The following EYS variants were observed in gnomAD, a reference collection of about 807,000 sequenced individuals.
EYS encodes EGF-like photoreceptor maintenance factor.
Under a neutral mutation model 282.1 loss-of-function variants are expected in EYS, and 250 were observed. That is an observed-to-expected ratio of 0.89 (90% CI 0.80 to 0.98). EYS has a LOEUF of 0.98. Ranked by LOEUF, EYS falls within the 50% of genes least tolerant of loss-of-function variation. EYS has a pLI of 0.00. For missense variants in EYS, 4,016 were observed against 3,709.0 expected (o/e 1.08, Z -2.15); for synonymous variants, 1,355 against 1,282.9 (o/e 1.06, Z -1.20).
rs1230309512 is a variant in EYS at position 63,806,337 on chromosome 6, C to G, written c.7264G>C (p.Asp2422His). Residue 2422 changes from aspartate (D) to histidine (H), a missense_variant, in exon 37 of 43, where the codon GAT becomes CAT. Coordinates refer to ENST00000503581, the MANE Select transcript of EYS (RefSeq NM_001142800.2). ...NITQPRFSGT[D>H]AFGYTSFLAY... ...AGGAATGAGGTGTATCCAAAGGCAT[C>G]TGTGCCACTGAACCTTGGCTGAGTA... The G allele has an allele frequency of 6.5e-7, 1 of 1,550,202 alleles. No individual in the cohort carries two copies. The highest frequency in any genetic ancestry group is 8.7e-7 in the Non-Finnish European group (1 of 1,145,940).
intron 8 of EYS, among the ~76,000 whole-genome samples, chr6:65,376,615 G>A (rs918749400): frequency 2.0e-5 from 3 of 152,140 alleles, no homozygotes; most frequent in Non-Finnish European, 4.4e-5. Context: ...TTGGTGCACT[G>A]CATTCAGAAG....
intron 13 of EYS, among the ~76,000 whole-genome samples, chr6:65,050,923 T>A (rs1773251371): frequency 6.6e-6 from 1 of 151,682 alleles, no homozygotes. Context: ...CTGAGTTTTG[T>A]TCTTCTTTGT....
At chr6:65,461,115 T>C (rs535278333) in intron 5 of EYS, among the ~76,000 whole-genome samples, 17 of 152,158 alleles carry the variant, frequency 1.1e-4, no homozygotes, top group Admixed American at 7.2e-4. Context: ...ATGCCATATA[T>C]AGTTGTACTT....
At chr6:64,570,736 T>C (rs1024109542) in intron 26 of EYS, among the ~76,000 whole-genome samples, 1 of 152,144 alleles carries the variant, frequency 6.6e-6, no homozygotes, top group African/African-American at 2.4e-5. Context: ...GAGCTAACTA[T>C]GCTAAATATA....
intron 30 of EYS, among the ~76,000 whole-genome samples, chr6:64,295,683 C>G (rs187651751): frequency 6.9e-6 from 1 of 145,742 alleles, no homozygotes; most frequent in Non-Finnish European, 1.5e-5. Flanking sequence ...GAGCTGAGAT[C>G]GCGCCGCTGC....
chr6:65,067,224 G>A (rs1773772876), intron 12 of EYS, among the ~76,000 whole-genome samples: 1 of 152,086 alleles, frequency 6.6e-6, no homozygotes, highest in Non-Finnish European at 1.5e-5. Context: ...AAGTCCTGCA[G>A]CAGGTCATTT....
In EYS at chr6:65,295,918, T is replaced by C. The variant is rs1768649075; in HGVS notation, c.1968A>G (p.Thr656=). The C allele has an allele frequency of 6.4e-7, 1 of 1,551,074 alleles. No individual in the cohort carries two copies. Among genetic ancestry groups the C allele is most frequent in the African/African-American group, 1.4e-5 (1 of 73,130 alleles). Residue 656 remains threonine (T), a synonymous_variant, in exon 12 of 43, where the codon ACA becomes ACG. Transcript: ENST00000503581. ...DCKSASCKNG[T]TSTHLRGYFF... is the part of the protein sequence containing the mutation. ...AATATCCCCTTAAATGTGTACTAGT[T>C]GTTCCATTTTTGCAGGACGCAGATT...
chr6:65,359,308 C>A (rs930579892), intron 8 of EYS, among the ~76,000 whole-genome samples: 6 of 152,008 alleles, frequency 3.9e-5, no homozygotes, highest in African/African-American at 1.4e-4. Context: ...AATACATATT[C>A]ATAACAATTT....
At position 65,048,273 on chromosome 6, in the gene EYS, T is replaced by TC. The variant is rs1471315419; in HGVS notation, c.2137+9340dup. On this transcript the variant is annotated intron_variant, in intron 13 of 42. Coordinates refer to ENST00000503581, the MANE Select transcript of EYS (RefSeq NM_001142800.2). ...CCACTTTTTCATTTCATCTGTACAG[T>TC]CCCAAATATATCATCATCAATGACT... Among the ~76,000 whole-genome samples the TC allele has an allele frequency of 1.8e-4, 27 of 151,872 alleles. 1 individual carries two copies. Among genetic ancestry groups the TC allele is most frequent in the Admixed American group, 1.8e-3 (27 of 15,212 alleles).
chr6:65,344,783 GA>G (rs1306278072), intron 9 of EYS, among the ~76,000 whole-genome samples: 2 of 151,570 alleles, frequency 1.3e-5, no homozygotes, highest in Non-Finnish European at 3.0e-5. Flanking sequence ...GAATTGTAGG[GA>G]AAAAGGAGTT....
chr6:64,303,840 C>CAAAAAAA (rs149728709), intron 30 of EYS, among the ~76,000 whole-genome samples: 18 of 78,228 alleles, frequency 2.3e-4, no homozygotes, highest in African/African-American at 8.8e-4. Flanking sequence ...AACTCCGTCT[C>CAAAAAAA]AAAAAAAAAA....
intron 28 of EYS, among the ~76,000 whole-genome samples, chr6:64,396,059 T>C (rs189040634): frequency 3.5e-4 from 53 of 152,102 alleles, no homozygotes; most frequent in African/African-American, 1.2e-3. Context: ...TACACAAGCA[T>C]GCACACACAT....
intron 34 of EYS, among the ~76,000 whole-genome samples, chr6:63,993,177 A>T (rs1379598244): frequency 2.0e-5 from 3 of 151,856 alleles, no homozygotes; most frequent in Admixed American, 2.0e-4. Flanking sequence ...GATTAGGAGG[A>T]AATTAATTCA....
intron 2 of EYS, among the ~76,000 whole-genome samples, chr6:65,531,984 G>A (rs1201170316): frequency 2.0e-5 from 3 of 152,108 alleles, no homozygotes; most frequent in Admixed American, 2.0e-4. Context: ...GTGTGATGTG[G>A]ATAATATACG....
At chr6:65,184,117 A>C (rs947388303) in intron 12 of EYS, among the ~76,000 whole-genome samples, 1 of 151,438 alleles carries the variant, frequency 6.6e-6, no homozygotes, top group Admixed American at 6.6e-5. Context: ...ATAAATTGAT[A>C]AAGTAAAGTC....
chr6:65,372,493 A>G (rs952791430), intron 8 of EYS, among the ~76,000 whole-genome samples: 2 of 152,062 alleles, frequency 1.3e-5, no homozygotes, highest in Non-Finnish European at 2.9e-5. Context: ...CATAATATCA[A>G]ACATTTTTAA....
intron 35 of EYS, among the ~76,000 whole-genome samples, 167 bp from the exon 36 acceptor site, chr6:63,864,525 T>C (rs1269834696): frequency 2.6e-5 from 4 of 152,242 alleles, no homozygotes; most frequent in African/African-American, 9.6e-5. Flanking sequence ...TTTGAATATT[T>C]GTAGCTGTGT....
At chr6:65,392,490 C>CGGTTGTTCT (rs1766084205) in intron 7 of EYS, among the ~76,000 whole-genome samples, 2 of 152,120 alleles carry the variant, frequency 1.3e-5, no homozygotes, top group Non-Finnish European at 2.9e-5. Flanking sequence ...CAACAAACAA[C>CGGTTGTTCT]CCCATCAAAA....
chr6:64,242,646 T>A (rs1429751205), intron 30 of EYS, among the ~76,000 whole-genome samples: 1 of 151,858 alleles, frequency 6.6e-6, no homozygotes, highest in South Asian at 2.1e-4. Context: ...ATCCCACTTT[T>A]TGGTTTCATC....
Sources: allele counts gnomAD v4.1 joint callset (sites outside exome capture counted in the v4.1 genomes callset), GRCh38; gene constraint gnomAD v4.1.1; transcripts MANE v1.5; gene names NCBI Gene and HGNC (gene_info 2026-07-23, HGNC 2026-07-21).